The following PRXL2A variants were observed in gnomAD, a reference collection of about 807,000 sequenced individuals.
PRXL2A encodes peroxiredoxin-like 2A.
In PRXL2A, 26 loss-of-function variants were observed where a neutral mutation model predicts 25.6. That is an observed-to-expected ratio of 1.02 (90% CI 0.74 to 1.41). PRXL2A has a LOEUF of 1.41. PRXL2A is among the 40% of genes most tolerant of loss of function. PRXL2A has a pLI of 0.00. For synonymous variants in PRXL2A, 98 were observed against 102.9 expected (o/e 0.95, Z 0.29); for missense variants, 246 against 273.9 (o/e 0.90, Z 0.72).
chr10:80,415,802 T>C (rs1319752072), intron 1 of PRXL2A, among the ~76,000 whole-genome samples: 21 of 152,208 alleles, frequency 1.4e-4, no homozygotes, highest in Admixed American at 1.4e-3. Context: ...CAAACGCCCA[T>C]CACTGGACAG....
Position 80,431,995 on chromosome 10 carries a change from C to G in PRXL2A, c.586C>G (p.Leu196Val). The stretch of plus-strand genomic sequence containing the variant: ...TCTTGTTTCCTTTTAGGGCATTCTT[C>G]TTGAGCACCGAGAAAAAGAATTTGG... Reference protein sequence around the residue: ...VVGSGKQGILLEHREKEFGDK... With the variant: ...VVGSGKQGILVEHREKEFGDK... The change falls in exon 6 of 6, where the codon CTT (leucine) becomes GTT (valine). Residue 196 changes from leucine to valine, a missense_variant. By Grantham distance (32) the Leu-to-Val change is conservative (BLOSUM62 1). Transcript: ENST00000606162. 4 of 1,609,582 alleles carry G rather than the reference C, an allele frequency of 2.5e-6. No homozygotes were observed. In the African/African-American group the frequency reaches 5.4e-5, roughly 22 times the overall value.
At chr10:80,418,606 G>A (rs1844749250) in intron 1 of PRXL2A, among the ~76,000 whole-genome samples, 1 of 152,174 alleles carries the variant, frequency 6.6e-6, no homozygotes, top group Non-Finnish European at 1.5e-5. Flanking sequence ...GGGCTGGGGT[G>A]AGGTGGGCCA....
At chr10:80,431,473 T>TTG (rs1476636078) in intron 5 of PRXL2A, among the ~76,000 whole-genome samples, 2 of 152,136 alleles carry the variant, frequency 1.3e-5, no homozygotes, top group African/African-American at 2.4e-5. Flanking sequence ...TTGGGGTATC[T>TTG]TGTGTCTTAG....
At chr10:80,419,846 T>C (rs987742193) in intron 1 of PRXL2A, among the ~76,000 whole-genome samples, 3 of 152,160 alleles carry the variant, frequency 2.0e-5, no homozygotes, top group Non-Finnish European at 2.9e-5. Context: ...CTCTTCTCAA[T>C]TGGGAGAAAT....
rs575463190 is a variant in PRXL2A at position 80,408,837 on chromosome 10, C to G, written c.-3+194C>G. Among the ~76,000 whole-genome samples the G allele has an allele frequency of 1.2e-4, 18 of 152,294 alleles. No individual in the cohort carries two copies. In the South Asian group the frequency reaches 3.1e-3, roughly 26 times the overall value. On this transcript the variant is annotated intron_variant, in intron 1 of 5. Coordinates refer to ENST00000606162, the MANE Select transcript of PRXL2A (RefSeq NM_032333.5). ...TGGCGCTCCCTCCGAGGACGACGAC[C>G]CTTCCGCCACCCTGCGTGGCGGCCG...
rs756004995 is a variant in PRXL2A at position 80,417,268 on chromosome 10, C to T, written c.-2-3198C>T. On this transcript the variant is annotated intron_variant, in intron 1 of 5. Transcript: ENST00000606162. ...TTAGATATAGGGAGTATGTCGGACC[C>T]GAACTCAAGGCTTTATGTTGTTATC... Among the ~76,000 whole-genome samples the T allele has an allele frequency of 1.3e-4, 20 of 152,084 alleles. No individual in the cohort carries two copies. In the Middle Eastern group the frequency reaches 0.014, roughly 103 times the overall value.
At chr10:80,409,900 C>G (rs1844420425) in intron 1 of PRXL2A, among the ~76,000 whole-genome samples, 1 of 152,100 alleles carries the variant, frequency 6.6e-6, no homozygotes, top group African/African-American at 2.4e-5. Flanking sequence ...GTTCCTTGTC[C>G]AGGTTTATAC....
chr10:80,409,623 C>G (rs755006960), intron 1 of PRXL2A, among the ~76,000 whole-genome samples: 2 of 152,164 alleles, frequency 1.3e-5, no homozygotes, highest in Non-Finnish European at 2.9e-5. Context: ...TGCTCCTGCT[C>G]GGGCCCAGCT....
At chr10:80,426,074 T>A in intron 4 of PRXL2A, 68 bp downstream of exon 4, 1 of 1,596,148 alleles carries the variant, frequency 6.3e-7, no homozygotes, top group Admixed American at 1.7e-5. Context: ...GATAGTCAGG[T>A]GGCCCAGGTA....
intron 5 of PRXL2A, 89 bp from the exon 6 acceptor site, chr10:80,431,897 A>G: frequency 1.1e-6 from 1 of 934,852 alleles, no homozygotes; most frequent in Non-Finnish European, 1.7e-6. Context: ...ATTCAAGCAA[A>G]AGGCTTGACA....
chr10:80,420,765 A>G (rs1440538154), intron 2 of PRXL2A, 120 bp downstream of exon 2: 4 of 726,894 alleles, frequency 5.5e-6, no homozygotes, highest in Non-Finnish European at 8.1e-6. Flanking sequence ...ACATTAGGAA[A>G]AATTTAATAA....
At chr10:80,430,842 T>C (rs1399332418) in intron 5 of PRXL2A, among the ~76,000 whole-genome samples, 1 of 152,208 alleles carries the variant, frequency 6.6e-6, no homozygotes, top group Non-Finnish European at 1.5e-5. Context: ...CAGTATATTG[T>C]GAACATTTTC....
chr10:80,413,520 CAT>C (rs766525760), intron 1 of PRXL2A, among the ~76,000 whole-genome samples: 3 of 152,192 alleles, frequency 2.0e-5, no homozygotes, highest in African/African-American at 7.2e-5. Flanking sequence ...GCTAGTATGA[CAT>C]GTGGGCTGTG....
At chr10:80,424,731 C>T (rs980153257) in intron 3 of PRXL2A, among the ~76,000 whole-genome samples, 2 of 151,992 alleles carry the variant, frequency 1.3e-5, no homozygotes, top group African/African-American at 2.4e-5. Flanking sequence ...TGTGGTGGTG[C>T]GCCCCTGTAA....
intron 2 of PRXL2A, 108 bp downstream of exon 2, chr10:80,420,753 C>A: frequency 1.2e-6 from 1 of 812,656 alleles, no homozygotes; most frequent in Non-Finnish European, 1.8e-6. Context: ...GATAATATAA[C>A]AACATTAGGA....
At chr10:80,416,394 A>T (rs1844662147) in intron 1 of PRXL2A, among the ~76,000 whole-genome samples, 2 of 152,212 alleles carry the variant, frequency 1.3e-5, no homozygotes, top group Admixed American at 1.3e-4. Context: ...GAGAAATCTG[A>T]CAGGTCCAAA....
chr10:80,408,276 G>C (rs867090312), upstream of PRXL2A, among the ~76,000 whole-genome samples: 1 of 152,186 alleles, frequency 6.6e-6, no homozygotes. Context: ...GGCTCCATTA[G>C]GGGTGTCCAG....
rs115435927 is a variant in PRXL2A at position 80,427,455 on chromosome 10, T to C, written c.535T>C (p.Phe179Leu). The change falls in exon 5 of 6, where the codon TTC (phenylalanine) becomes CTC (leucine). Residue 179 changes from phenylalanine to leucine, a missense_variant. Transcript: ENST00000606162. ...CTCTGGAAACCTGGAAGGAGAAGGC[T>C]TCATCCTTGGGGGAGTTTTCGTGGT... is the stretch of plus-strand genomic sequence containing the variant. Reference protein sequence around the residue: ...GFSGNLEGEGFILGGVFVVGS... With the variant: ...GFSGNLEGEGLILGGVFVVGS... 3.8e-4 allele frequency: 610 copies of C among 1,614,168 alleles called. 3 individuals are homozygous for C. In the African/African-American group the frequency reaches 7.3e-3, roughly 19 times the overall value.
At chr10:80,419,325 G>A (rs60042631) in intron 1 of PRXL2A, among the ~76,000 whole-genome samples, 861 of 60,098 alleles carry the variant, frequency 0.014, 28 homozygotes, top group East Asian at 0.14. Flanking sequence ...TTTTTTTTTT[G>A]AGACGGAGTT....
Sources: allele counts gnomAD v4.1 joint callset (sites outside exome capture counted in the v4.1 genomes callset), GRCh38; gene constraint gnomAD v4.1.1; transcripts MANE v1.5; gene names NCBI Gene and HGNC (gene_info 2026-07-23, HGNC 2026-07-21).